The following NRG3 variants were observed in gnomAD, a reference collection of about 807,000 sequenced individuals.
NRG3 encodes the protein neuregulin 3.
In NRG3, 31 loss-of-function variants were observed where a neutral mutation model predicts 66.9. The observed-to-expected ratio is 0.46, with a 90% CI of 0.35 to 0.63. NRG3 has a LOEUF of 0.63. NRG3 is among the 20% of genes least tolerant of loss of function. The pLI is 0.00. For synonymous variants in NRG3, 393 were observed against 359.4 expected (o/e 1.09, Z -1.06); for missense variants, 910 against 878.9 (o/e 1.04, Z -0.45).
intron 1 of NRG3, among the ~76,000 whole-genome samples, chr10:82,216,460 A>ATATATATGTG (rs1554851844): frequency 2.7e-4 from 39 of 146,412 alleles, no homozygotes; most frequent in South Asian, 2.2e-3. Context: ...TTTTATATAT[A>ATATATATGTG]TGTGTGTGTG....
chr10:82,192,153 T>C (rs1362915931), intron 1 of NRG3, among the ~76,000 whole-genome samples: 2 of 152,138 alleles, frequency 1.3e-5, no homozygotes, highest in Non-Finnish European at 2.9e-5. Context: ...CCCCTTCTGA[T>C]TGTCAGTAAC....
chr10:82,591,417 T>A (rs1261850617), intron 2 of NRG3, among the ~76,000 whole-genome samples: 1 of 152,212 alleles, frequency 6.6e-6, no homozygotes, highest in Non-Finnish European at 1.5e-5. Context: ...TTCATAGTTT[T>A]AATGGCATCT....
chr10:82,957,678 T>C (rs538307109), intron 5 of NRG3, among the ~76,000 whole-genome samples: 4 of 151,988 alleles, frequency 2.6e-5, no homozygotes, highest in African/African-American at 9.7e-5. Context: ...CAACTTCCTG[T>C]CCACCCTTGG....
intron 1 of NRG3, among the ~76,000 whole-genome samples, chr10:81,937,825 A>G (rs1162324862): frequency 6.6e-6 from 1 of 152,084 alleles, no homozygotes; most frequent in East Asian, 1.9e-4. Context: ...GCCAAATCTA[A>G]TGTTATAAAG....
rs1328791568 is a variant in NRG3 at position 82,761,953 on chromosome 10, TTTC to T, written c.1027+23306_1027+23308del. On this transcript the variant is annotated intron_variant, in intron 3 of 8. Coordinates refer to ENST00000372141, the MANE Select transcript of NRG3 (RefSeq NM_001010848.4). ...CTTTCTTTCTTTCTTTCTTTCTTTC[TTTC>T]TTTCTTTCTTTCTTTCTTTTCTTTC... Among the ~76,000 whole-genome samples the T allele has an allele frequency of 4.8e-4, 66 of 137,952 alleles. 1 individual carries two copies. Among genetic ancestry groups the T allele is most frequent in the African/African-American group, 1.7e-3 (56 of 33,598 alleles). 90.5% of individuals were successfully genotyped at this position (137,952 alleles called of 152,430 possible).
intron 4 of NRG3, among the ~76,000 whole-genome samples, chr10:82,885,041 A>C (rs997199534): frequency 2.6e-5 from 4 of 152,222 alleles, no homozygotes; most frequent in African/African-American, 9.6e-5. Flanking sequence ...ACAATCTCAG[A>C]ACTACAGTTC....
At chr10:82,773,390 G>T (rs1442844427) in intron 3 of NRG3, among the ~76,000 whole-genome samples, 1 of 152,180 alleles carries the variant, frequency 6.6e-6, no homozygotes, top group Non-Finnish European at 1.5e-5. Context: ...CTTCTTTGGA[G>T]AAATGTCTGT....
intron 4 of NRG3, among the ~76,000 whole-genome samples, chr10:82,935,298 C>A (rs553021161): frequency 3.4e-4 from 52 of 152,250 alleles, no homozygotes; most frequent in African/African-American, 1.2e-3. Flanking sequence ...TATTTCATTT[C>A]TTTCATATGA....
chr10:82,949,135 C>G (rs771842400), intron 4 of NRG3, among the ~76,000 whole-genome samples: 10 of 151,932 alleles, frequency 6.6e-5, no homozygotes, highest in Non-Finnish European at 1.2e-4. Context: ...TGCCTCTGAT[C>G]TAGTTGTTAA....
intron 4 of NRG3, among the ~76,000 whole-genome samples, chr10:82,883,847 G>T (rs1564600539): frequency 6.6e-6 from 1 of 151,970 alleles, no homozygotes; most frequent in Non-Finnish European, 1.5e-5. Context: ...TGCAGTAAAT[G>T]ATCCAAAGTA....
rs897221963 is a variant in NRG3 at position 82,215,198 on chromosome 10, G to A, written c.824-143541G>A. Among the ~76,000 whole-genome samples, 9 of 152,256 alleles carry A rather than the reference G, an allele frequency of 5.9e-5. No homozygotes were observed. In the South Asian group the frequency reaches 1.9e-3, roughly 32 times the overall value. ...AAATTATTTGCTGTATTTCTGGAAC[G>A]AATGCATTTAATAATAGGTCAGATG... is the stretch of plus-strand genomic sequence containing the variant. On this transcript the variant is annotated intron_variant, in intron 1 of 8. Transcript: ENST00000372141.
chr10:82,283,273 A>G (rs979843927), intron 1 of NRG3, among the ~76,000 whole-genome samples: 4 of 152,184 alleles, frequency 2.6e-5, no homozygotes, highest in Non-Finnish European at 5.9e-5. Context: ...TTGTTTCACA[A>G]TGCCATGTAG....
intron 1 of NRG3, among the ~76,000 whole-genome samples, chr10:81,916,967 C>T (rs1330501472): frequency 6.6e-6 from 1 of 152,126 alleles, no homozygotes; most frequent in Non-Finnish European, 1.5e-5. Flanking sequence ...GGGACTAGGA[C>T]CACATGGGTA....
At chr10:82,885,567 C>A (rs1275269494) in intron 4 of NRG3, among the ~76,000 whole-genome samples, 1 of 152,102 alleles carries the variant, frequency 6.6e-6, no homozygotes, top group Non-Finnish European at 1.5e-5. Context: ...GTAATTAAGA[C>A]CAAATATAAA....
chr10:82,594,189 A>C (rs2047140879), intron 2 of NRG3, among the ~76,000 whole-genome samples: 1 of 152,156 alleles, frequency 6.6e-6, no homozygotes, highest in Non-Finnish European at 1.5e-5. Context: ...CAAAGGAGAT[A>C]TGTAGTCTCT....
chr10:82,019,546 G>A (rs1287787930), intron 1 of NRG3, among the ~76,000 whole-genome samples: 13 of 152,154 alleles, frequency 8.5e-5, no homozygotes, highest in East Asian at 3.9e-4. Flanking sequence ...GGTAGAATTC[G>A]GCTGTGAATC....
In NRG3 at chr10:81,876,097, T is replaced by C; in HGVS notation, c.757T>C (p.Ser253Pro). ...TLSPFQDAAS[S>P]SSSSSSSATT... is the part of the protein sequence containing the mutation. ...GTCTCCCTTTCAGGATGCTGCCTCC[T>C]CTTCTTCCTCTTCTTCCTCCTCCGC... Residue 253 changes from serine to proline, a missense_variant, in exon 1 of 9, where the codon TCT (serine) becomes CCT (proline). Physicochemically the swap from Ser to Pro is moderately conservative, Grantham distance 74. Coordinates refer to ENST00000372141, the MANE Select transcript of NRG3 (RefSeq NM_001010848.4). 1 of 1,611,140 alleles carries C rather than the reference T, an allele frequency of 6.2e-7. No individual in the cohort carries two copies. The highest frequency in any genetic ancestry group is 8.5e-7 in the Non-Finnish European group (1 of 1,178,944).
intron 1 of NRG3, among the ~76,000 whole-genome samples, chr10:82,234,171 C>T (rs2076640824): frequency 6.6e-6 from 1 of 152,192 alleles, no homozygotes; most frequent in Non-Finnish European, 1.5e-5. Flanking sequence ...GTTCACTTCT[C>T]TGGTTTTTCC....
At chr10:82,548,770 T>C (rs943127071) in intron 2 of NRG3, among the ~76,000 whole-genome samples, 1 of 151,628 alleles carries the variant, frequency 6.6e-6, no homozygotes, top group Non-Finnish European at 1.5e-5. Context: ...AATTAATTAA[T>C]TAATTAAAAC....
Sources: allele counts gnomAD v4.1 joint callset (sites outside exome capture counted in the v4.1 genomes callset), GRCh38; gene constraint gnomAD v4.1.1; transcripts MANE v1.5; gene names NCBI Gene and HGNC (gene_info 2026-07-23, HGNC 2026-07-21).